The following NCAM2 variants were observed in gnomAD, a reference collection of about 807,000 sequenced individuals.
NCAM2 encodes the protein neural cell adhesion molecule 2, also known as N-CAM-2.
NCAM2 carries 30 observed loss-of-function variants against 98.1 expected under a neutral mutation model. The ratio of observed to expected loss-of-function variants is 0.31; its 90% CI spans 0.23 to 0.41. The LOEUF is 0.41. NCAM2 is among the 10% of genes least tolerant of loss of function. NCAM2 has a pLI of 1.00. For missense variants in NCAM2, 867 were observed against 1,005.8 expected (o/e 0.86, Z 1.87); for synonymous variants, 368 against 342.4 (o/e 1.07, Z -0.83).
chr21:21,219,110 C>T (rs2070029979), intron 1 of NCAM2, among the ~76,000 whole-genome samples: 1 of 152,204 alleles, frequency 6.6e-6, no homozygotes, highest in Non-Finnish European at 1.5e-5. Flanking sequence ...GCTTTGAATG[C>T]AGCCCAACAC....
intron 12 of NCAM2, among the ~76,000 whole-genome samples, chr21:21,454,918 G>A (rs944391585): frequency 1.5e-4 from 23 of 152,004 alleles, no homozygotes; most frequent in African/African-American, 5.3e-4. Context: ...TCATTAAGCA[G>A]GTGGTTAGTA....
intron 1 of NCAM2, among the ~76,000 whole-genome samples, chr21:21,118,537 T>C (rs550822453): frequency 6.6e-6 from 1 of 152,262 alleles, no homozygotes; most frequent in South Asian, 2.1e-4. Flanking sequence ...TGCTCTAAAT[T>C]CATCTACTTT....
rs189772942 is a variant in NCAM2, at chr21:21,142,502, C to T, written c.56-138076C>T. Among the ~76,000 whole-genome samples, 803 of 150,600 alleles carry T rather than the reference C, an allele frequency of 5.3e-3. 2 individuals carry two copies. The highest frequency in any genetic ancestry group is 8.3e-3 in the Non-Finnish European group (559 of 67,742). On this transcript the variant is annotated intron_variant, in intron 1 of 17. Coordinates refer to ENST00000400546, the MANE Select transcript of NCAM2 (RefSeq NM_004540.5). ...CACGCCATTCTCCTGCCTCAGACTC[C>T]GGAGTAGCTGGGACTACAGGCGTCC...
intron 1 of NCAM2, among the ~76,000 whole-genome samples, chr21:21,276,485 T>A (rs973838915): frequency 2.0e-5 from 3 of 152,090 alleles, no homozygotes; most frequent in Non-Finnish European, 4.4e-5. Flanking sequence ...AAGTAAGAAA[T>A]TTGTGATGAT....
intron 1 of NCAM2, among the ~76,000 whole-genome samples, chr21:21,275,448 AAAAAAT>A (rs2072693237): frequency 6.6e-6 from 1 of 151,786 alleles, no homozygotes; most frequent in Non-Finnish European, 1.5e-5. Flanking sequence ...ATAAAAAAAT[AAAAAAT>A]AAAAATAAAT....
At chr21:21,331,230 G>A (rs765624001) in intron 6 of NCAM2, among the ~76,000 whole-genome samples, 2 of 151,220 alleles carry the variant, frequency 1.3e-5, no homozygotes, top group African/African-American at 4.9e-5. Flanking sequence ...TCCAACTCTC[G>A]GGCTCAAGTG....
At chr21:21,522,771 A>G (rs1034158205) in intron 16 of NCAM2, among the ~76,000 whole-genome samples, 4 of 150,984 alleles carry the variant, frequency 2.6e-5, no homozygotes, top group East Asian at 2.0e-4. Flanking sequence ...AACTGGGATT[A>G]CAGGCGTGTG....
intron 1 of NCAM2, among the ~76,000 whole-genome samples, chr21:21,244,511 T>G (rs537614351): frequency 3.7e-4 from 57 of 152,312 alleles, no homozygotes; most frequent in African/African-American, 1.3e-3. Flanking sequence ...TTTGAATTTA[T>G]CATATACGTT....
intron 1 of NCAM2, among the ~76,000 whole-genome samples, chr21:21,240,767 T>G (rs1410205053): frequency 1.3e-5 from 2 of 152,196 alleles, no homozygotes; most frequent in Non-Finnish European, 2.9e-5. Flanking sequence ...TAAGTAAAAA[T>G]TCTTCAGGAT....
chr21:21,357,824 AC>A (rs1284898799), intron 8 of NCAM2, among the ~76,000 whole-genome samples: 2 of 152,304 alleles, frequency 1.3e-5, no homozygotes, highest in East Asian at 3.9e-4. Context: ...AAAGCGAAGA[AC>A]AAATGTCAAA....
At chr21:21,201,664 C>A (rs540194307) in intron 1 of NCAM2, among the ~76,000 whole-genome samples, 1 of 152,106 alleles carries the variant, frequency 6.6e-6, no homozygotes, top group Non-Finnish European at 1.5e-5. Flanking sequence ...TGTTAATATT[C>A]ATTGTTGTAA....
intron 1 of NCAM2, among the ~76,000 whole-genome samples, chr21:21,261,096 G>GA (rs199598609): frequency 0.019 from 2,904 of 149,992 alleles, 92 homozygotes; most frequent in African/African-American, 0.068. Flanking sequence ...AACAACAGTA[G>GA]AAAAAAAAAG....
chr21:21,372,410 C>T (rs1477740202), intron 8 of NCAM2, among the ~76,000 whole-genome samples: 1 of 151,644 alleles, frequency 6.6e-6, no homozygotes, highest in Non-Finnish European at 1.5e-5. Context: ...GTTTTCTAAT[C>T]ATCTTACTTA....
At chr21:21,402,062 T>C (rs951360409) in intron 9 of NCAM2, among the ~76,000 whole-genome samples, 1 of 152,148 alleles carries the variant, frequency 6.6e-6, no homozygotes, top group Non-Finnish European at 1.5e-5. Context: ...AAATTGATTG[T>C]AAAACATATG....
intron 9 of NCAM2, among the ~76,000 whole-genome samples, chr21:21,406,154 A>G (rs563583942): frequency 4.9e-4 from 75 of 152,270 alleles, no homozygotes; most frequent in Middle Eastern, 3.4e-3. Context: ...TACTAACACA[A>G]TAGTGCTCAA....
chr21:21,092,825 T>C (rs1390599167), intron 1 of NCAM2, among the ~76,000 whole-genome samples: 1 of 151,862 alleles, frequency 6.6e-6, no homozygotes, highest in Admixed American at 6.6e-5. Flanking sequence ...TAATAATGTA[T>C]TTATATCTCT....
chr21:21,140,142 C>A (rs1488316877), intron 1 of NCAM2, among the ~76,000 whole-genome samples: 1 of 152,106 alleles, frequency 6.6e-6, no homozygotes, highest in Non-Finnish European at 1.5e-5. Context: ...AATTAAGATC[C>A]ATTTTTAAGT....
chr21:21,304,580 A>G (rs1419044878), intron 5 of NCAM2, among the ~76,000 whole-genome samples: 1 of 152,082 alleles, frequency 6.6e-6, no homozygotes, highest in Admixed American at 6.6e-5. Flanking sequence ...AGAATAAAAT[A>G]CTCTAGGTTC....
intron 1 of NCAM2, among the ~76,000 whole-genome samples, chr21:21,052,655 C>T (rs1183405583): frequency 1.3e-5 from 2 of 152,116 alleles, no homozygotes; most frequent in Non-Finnish European, 1.5e-5. Flanking sequence ...AGAAATATCT[C>T]ATCCCCTGGG....
Sources: gnomAD v4.1 joint callset for allele counts (sites outside exome capture counted in the v4.1 genomes callset) on GRCh38, gnomAD v4.1.1 for gene constraint, MANE v1.5 for transcripts, NCBI Gene and HGNC (gene_info 2026-07-23, HGNC 2026-07-21) for gene names.